KCNQ3: variants seen among roughly 807,000 people sequenced by gnomAD.
KCNQ3 encodes the protein potassium voltage-gated channel subfamily Q member 3.
Under a neutral mutation model 92.5 loss-of-function variants are expected in KCNQ3, and 30 were observed. That is an observed-to-expected ratio of 0.32 (90% CI 0.24 to 0.44). The LOEUF is 0.44. Among genes scored for constraint, KCNQ3 ranks in the 20% least tolerant of loss-of-function variants. The probability of loss-of-function intolerance (pLI) is 1.00; values close to 1 mark genes in which losing one functional copy is unlikely to be tolerated. For missense variants in KCNQ3, 913 were observed against 1,140.3 expected (o/e 0.80, Z 2.87); for synonymous variants, 450 against 468.8 (o/e 0.96, Z 0.52).
At chr8:132,204,443 C>T (rs535795493) in intron 1 of KCNQ3, among the ~76,000 whole-genome samples, 74 of 152,332 alleles carry the variant, frequency 4.9e-4, no homozygotes, top group Middle Eastern at 3.4e-3. Context: ...TGGTCTACCT[C>T]TATGACTAAG....
chr8:132,433,116 G>A (rs1338478094), intron 1 of KCNQ3, among the ~76,000 whole-genome samples: 5 of 152,198 alleles, frequency 3.3e-5, no homozygotes, highest in African/African-American at 1.2e-4. Flanking sequence ...ATTGGAGGAG[G>A]CCTCCTGAAT....
At chr8:132,463,502 T>C (rs764984116) in intron 1 of KCNQ3, among the ~76,000 whole-genome samples, 5 of 152,236 alleles carry the variant, frequency 3.3e-5, no homozygotes, top group Admixed American at 1.3e-4. Flanking sequence ...AGATCTCTTT[T>C]TCCCTACTCT....
At chr8:132,187,952 T>TGG (rs879803151) in intron 1 of KCNQ3, among the ~76,000 whole-genome samples, 9,208 of 150,426 alleles carry the variant, frequency 0.061, 436 homozygotes, top group African/African-American at 0.1. Context: ...GTGGTGGTGG[T>TGG]TGTGATGATG....
At chr8:132,285,291 T>C (rs1020692744) in intron 1 of KCNQ3, among the ~76,000 whole-genome samples, 4 of 152,168 alleles carry the variant, frequency 2.6e-5, no homozygotes, top group Admixed American at 2.6e-4. Context: ...CTGGATCTTT[T>C]TAGAGGTTGG....
chr8:132,399,799 T>A (rs1269049676), intron 1 of KCNQ3, among the ~76,000 whole-genome samples: 1 of 152,198 alleles, frequency 6.6e-6, no homozygotes, highest in African/African-American at 2.4e-5. Context: ...TGGCTTCAGA[T>A]AAACACTCTC....
At position 132,239,317 on chromosome 8, in the gene KCNQ3, T is replaced by G. The variant is rs79802226; in HGVS notation, c.387-53136A>C. ...TGGCAAATTGCTAAATCCAAGAAGA[T>G]GTAATCAACCACATTCTCACACATG... is the stretch of plus-strand genomic sequence containing the variant. On this transcript the variant is annotated intron_variant, in intron 1 of 14. Transcript: ENST00000388996. Among the ~76,000 whole-genome samples, 133 of 152,300 alleles carry G rather than the reference T, an allele frequency of 8.7e-4. 1 individual carries two copies. The highest frequency in any genetic ancestry group is 3.2e-3 in the African/African-American group (131 of 41,560).
chr8:132,329,011 G>A (rs1219854528), intron 1 of KCNQ3, among the ~76,000 whole-genome samples: 2 of 152,126 alleles, frequency 1.3e-5, no homozygotes, highest in Non-Finnish European at 2.9e-5. Context: ...CAGCAGGTAC[G>A]CGCTGAGTGC....
intron 1 of KCNQ3, among the ~76,000 whole-genome samples, chr8:132,237,157 G>T (rs573265707): frequency 5.9e-5 from 9 of 152,208 alleles, no homozygotes; most frequent in African/African-American, 2.2e-4. Context: ...TAAGTTTATG[G>T]TAATTAGTTA....
chr8:132,175,717 G>T, intron 4 of KCNQ3, 109 bp from the exon 5 acceptor site: 1 of 1,021,258 alleles, frequency 9.8e-7, no homozygotes, highest in Non-Finnish European at 1.5e-6. Flanking sequence ...CTCTGTGACT[G>T]TGGTCAAATC....
In KCNQ3 at chr8:132,317,892, G is replaced by A. The variant is rs554935023; in HGVS notation, c.387-131711C>T. Among the ~76,000 whole-genome samples the A allele has an allele frequency of 4.6e-5, 7 of 152,256 alleles. No homozygotes were observed. The South Asian group carries it at 6.2e-4, about 14-fold the overall frequency. ...GGGAACTTTATATTAAATGGAGACG[G>A]GCCTGAGGTTGCACAGCTATTCACA... On this transcript the variant is annotated intron_variant, in intron 1 of 14. Coordinates refer to ENST00000388996, the MANE Select transcript of KCNQ3 (RefSeq NM_004519.4).
intron 1 of KCNQ3, among the ~76,000 whole-genome samples, chr8:132,405,929 G>T (rs1408932612): frequency 6.6e-6 from 1 of 152,072 alleles, no homozygotes; most frequent in Non-Finnish European, 1.5e-5. Flanking sequence ...CTTCCTAACA[G>T]CCTCCAGGTC....
At chr8:132,153,408 T>C (rs2130023946) in intron 9 of KCNQ3, among the ~76,000 whole-genome samples, 1 of 152,270 alleles carries the variant, frequency 6.6e-6, no homozygotes, top group East Asian at 1.9e-4. Context: ...TTCACTTTAG[T>C]ATTCAGCTTA....
chr8:132,480,614 G>A lies in KCNQ3; in HGVS notation c.-82C>T. On this transcript the variant is annotated 5_prime_UTR_variant, in exon 1 of 15. Transcript: ENST00000388996. ...GCGCTCGGGGTGCGTGAACGAGGCG[G>A]CGGCGGCGGCTGCAAGCCCGGGAAC... 8.3e-7 allele frequency: 1 copy of A among 1,199,286 alleles called. No homozygotes were observed. The highest frequency in any genetic ancestry group is 1.7e-5 in the South Asian group (1 of 59,674). 74.3% of individuals were successfully genotyped at this position (1,199,286 alleles called of 1,614,324 possible).
At chr8:132,344,416 C>A (rs537706268) in intron 1 of KCNQ3, among the ~76,000 whole-genome samples, 3 of 152,222 alleles carry the variant, frequency 2.0e-5, no homozygotes, top group Non-Finnish European at 4.4e-5. Context: ...TTTGCCTCCA[C>A]TTATTAGACC....
chr8:132,471,524 A>G (rs1346776338), intron 1 of KCNQ3, among the ~76,000 whole-genome samples: 2 of 152,192 alleles, frequency 1.3e-5, no homozygotes, highest in Admixed American at 6.5e-5. Context: ...GCTGATAATG[A>G]CATGTCTAGG....
rs138951151 is a variant in KCNQ3, at chr8:132,415,789, G to A, written c.386+64358C>T. Among the ~76,000 whole-genome samples the A allele has an allele frequency of 9.1e-4, 138 of 152,084 alleles. No homozygotes were observed. The Middle Eastern group carries it at 0.01, about 11-fold the overall frequency. On this transcript the variant is annotated intron_variant, in intron 1 of 14. Transcript: ENST00000388996. ...TATCTTAGCTATTGCCATGATTTTC[G>A]GCCCTTCAACAGGCCACAGTACATA... is the stretch of plus-strand genomic sequence containing the variant.
intron 9 of KCNQ3, among the ~76,000 whole-genome samples, chr8:132,162,339 G>A (rs2130071798): frequency 6.6e-6 from 1 of 152,280 alleles, no homozygotes; most frequent in Non-Finnish European, 1.5e-5. Flanking sequence ...TAAACCTGTT[G>A]GTCATGAAAG....
intron 1 of KCNQ3, among the ~76,000 whole-genome samples, chr8:132,205,474 A>G (rs1813627276): frequency 6.6e-6 from 1 of 152,258 alleles, no homozygotes; most frequent in South Asian, 2.1e-4. Flanking sequence ...AAACACTTAC[A>G]GAGCACCTAC....
chr8:132,183,583 T>C (rs1438491218), intron 3 of KCNQ3, among the ~76,000 whole-genome samples: 1 of 152,194 alleles, frequency 6.6e-6, no homozygotes, highest in Non-Finnish European at 1.5e-5. Context: ...TCCATGGATT[T>C]TAGTCCACAC....
Sources: allele counts gnomAD v4.1 joint callset (sites outside exome capture counted in the v4.1 genomes callset), GRCh38; gene constraint gnomAD v4.1.1; transcripts MANE v1.5; gene names NCBI Gene and HGNC (gene_info 2026-07-23, HGNC 2026-07-21).